WDR27: variants seen among roughly 807,000 people sequenced by gnomAD.
WDR27 encodes the protein WD repeat domain 27, also known as WD repeat-containing protein 27.
In WDR27, 100 loss-of-function variants were observed where a neutral mutation model predicts 114.4. The ratio of observed to expected loss-of-function variants is 0.87; its 90% CI spans 0.74 to 1.03. The LOEUF is 1.03. WDR27 is among the 50% of genes least tolerant of loss of function. WDR27 has a pLI of 0.00. For synonymous variants in WDR27, 449 were observed against 423.1 expected (o/e 1.06, Z -0.75); for missense variants, 1,129 against 1,092.9 (o/e 1.03, Z -0.47).
chr6:169,613,641 T>G lies in WDR27; in HGVS notation c.2239A>C (p.Thr747Pro). 6.2e-7 allele frequency: 1 copy of G among 1,613,372 alleles called. No homozygotes were observed. Among genetic ancestry groups the G allele is most frequent in the Non-Finnish European group, 8.5e-7 (1 of 1,179,436 alleles). The change falls in exon 22 of 26, where the codon ACC becomes CCC. Residue 747 changes from threonine (T) to proline (P), a missense_variant. Transcript: ENST00000448612. ...AGGTTATAAGCCTGAGGCTGTTGGG[T>G]TGTAAATGATGAACCCTATAATTTT... The part of the protein sequence containing the change: ...ICQNKGSSFT[T>P]QQPQAYNLFL...
At chr6:169,673,550 A>C (rs976455338) in intron 2 of WDR27, among the ~76,000 whole-genome samples, 5 of 151,972 alleles carry the variant, frequency 3.3e-5, no homozygotes, top group African/African-American at 1.2e-4. Context: ...TATAGGGCAG[A>C]AAAAAACTGA....
rs151120729 is a variant in WDR27, at chr6:169,592,283, T to C, written c.2425-9349A>G. Among the ~76,000 whole-genome samples, 141 of 152,248 alleles carry C rather than the reference T, an allele frequency of 9.3e-4. 1 individual carries two copies. Among genetic ancestry groups the C allele is most frequent in the Middle Eastern group, 6.8e-3 (2 of 294 alleles). ...GTTGGGGGAGTGTTAAATCTACACA[T>C]TACCTACAGAGAACTGCCTTCTTTA... On this transcript the variant is annotated intron_variant, in intron 23 of 25. Transcript: ENST00000448612.
At chr6:169,479,698 A>G (rs1036774662) in intron 25 of WDR27, among the ~76,000 whole-genome samples, 9 of 152,246 alleles carry the variant, frequency 5.9e-5, no homozygotes, top group African/African-American at 1.9e-4. Context: ...CATTCTGTCA[A>G]TCATGAAGTC....
intron 25 of WDR27, among the ~76,000 whole-genome samples, chr6:169,515,437 T>C (rs2128056097): frequency 6.6e-6 from 1 of 152,362 alleles, no homozygotes; most frequent in East Asian, 1.9e-4. Context: ...GGGAAATGGA[T>C]ACAGATCTTA....
intron 17 of WDR27, among the ~76,000 whole-genome samples, chr6:169,642,410 G>A (rs1172172163): frequency 2.0e-5 from 3 of 151,802 alleles, no homozygotes; most frequent in African/African-American, 7.3e-5. Flanking sequence ...AAAATACACA[G>A]GGAAACACCC....
chr6:169,634,607 A>G, intron 19 of WDR27, 82 bp from the exon 20 acceptor site: 2 of 873,192 alleles, frequency 2.3e-6, no homozygotes, highest in Admixed American at 2.7e-5. Flanking sequence ...AACATTAAAC[A>G]TGAAAAGAAA....
At chr6:169,580,214 C>T (rs1340464458) in intron 24 of WDR27, among the ~76,000 whole-genome samples, 1 of 152,238 alleles carries the variant, frequency 6.6e-6, no homozygotes, top group Non-Finnish European at 1.5e-5. Context: ...TCCTTCAAAA[C>T]AGCAGCACCC....
chr6:169,491,637 C>G (rs765995112), intron 25 of WDR27, among the ~76,000 whole-genome samples: 2 of 152,138 alleles, frequency 1.3e-5, no homozygotes, highest in Non-Finnish European at 2.9e-5. Context: ...CAGAATTAAG[C>G]AGGAAGGGCA....
chr6:169,635,770 G>A (rs1817535542), intron 19 of WDR27, among the ~76,000 whole-genome samples: 1 of 152,148 alleles, frequency 6.6e-6, no homozygotes, highest in African/African-American at 2.4e-5. Flanking sequence ...ATTAAGAAAG[G>A]TGTGCTCATG....
chr6:169,693,195 C>G (rs1002027535), intron 1 of WDR27, among the ~76,000 whole-genome samples: 6 of 152,062 alleles, frequency 3.9e-5, no homozygotes, highest in Admixed American at 1.3e-4. Context: ...CTTTACCCTC[C>G]TTAAACAAAA....
At chr6:169,651,898 T>C (rs1382283994) in intron 14 of WDR27, 32 bp downstream of exon 14, 4 of 1,599,374 alleles carry the variant, frequency 2.5e-6, no homozygotes, top group Admixed American at 1.7e-5. Context: ...CGCAGGTGCA[T>C]TTCTGTCTCT....
rs376221496 is a variant in WDR27 at position 169,667,953 on chromosome 6, G to A, written c.660+29C>T. ...GTTCTTTCCACAGCACGTGCCACGC[G>A]GGAACGCCATCCAGCGTCCATCCCT... On this transcript the variant is annotated intron_variant, in intron 5 of 25. Transcript: ENST00000448612. The A allele has an allele frequency of 1.2e-4, 187 of 1,591,130 alleles. No homozygotes were observed. The African/African-American group carries it at 1.8e-3, about 15-fold the overall frequency.
At chr6:169,491,427 A>G (rs1562488272) in intron 25 of WDR27, among the ~76,000 whole-genome samples, 1 of 152,120 alleles carries the variant, frequency 6.6e-6, no homozygotes, top group Non-Finnish European at 1.5e-5. Flanking sequence ...CAATATCTAA[A>G]TGAAACTAGT....
chr6:169,698,174 G>A (rs1165848279), intron 1 of WDR27, among the ~76,000 whole-genome samples: 1 of 152,170 alleles, frequency 6.6e-6, no homozygotes, highest in Non-Finnish European at 1.5e-5. Flanking sequence ...TCTGGCCCCA[G>A]TGTGCACGAG....
At chr6:169,568,907 C>A (rs975772916) in intron 25 of WDR27, among the ~76,000 whole-genome samples, 2 of 152,120 alleles carry the variant, frequency 1.3e-5, no homozygotes, top group African/African-American at 2.4e-5. Flanking sequence ...GATGTGGTAC[C>A]GTGTCTCAGT....
At chr6:169,452,411 A>C (rs1784186057), downstream of WDR27, among the ~76,000 whole-genome samples, 1 of 152,260 alleles carries the variant, frequency 6.6e-6, no homozygotes, top group Non-Finnish European at 1.5e-5. Context: ...ACGTAACAGA[A>C]GGCTTTGAGT....
At chr6:169,498,112 C>A (rs1296654257) in intron 25 of WDR27, among the ~76,000 whole-genome samples, 1 of 151,928 alleles carries the variant, frequency 6.6e-6, no homozygotes, top group Admixed American at 6.6e-5. Flanking sequence ...TCAATACAGA[C>A]AAACCTTGAA....
chr6:169,452,850 T>C (rs1784211328), downstream of WDR27, among the ~76,000 whole-genome samples: 1 of 152,270 alleles, frequency 6.6e-6, no homozygotes, highest in Admixed American at 6.5e-5. Context: ...TTTCCCTTTC[T>C]TCCTGCCAAT....
At chr6:169,606,690 C>T (rs764577681) in intron 22 of WDR27, among the ~76,000 whole-genome samples, 5 of 152,056 alleles carry the variant, frequency 3.3e-5, no homozygotes, top group South Asian at 4.1e-4. Context: ...ATATGTACCA[C>T]GTTTTCTTTA....
Sources: allele counts gnomAD v4.1 joint callset (sites outside exome capture counted in the v4.1 genomes callset), GRCh38; gene constraint gnomAD v4.1.1; transcripts MANE v1.5; gene names NCBI Gene and HGNC (gene_info 2026-07-23, HGNC 2026-07-21).